Variants in NELL2 observed in about 807,000 individuals in gnomAD.
NELL2 encodes protein kinase C-binding protein NELL2.
In NELL2, 41 loss-of-function variants were observed where a neutral mutation model predicts 109.6. The ratio of observed to expected loss-of-function variants is 0.37; its 90% CI spans 0.29 to 0.49. NELL2 has a LOEUF of 0.49. Among genes scored for constraint, NELL2 ranks in the 20% least tolerant of loss-of-function variants. NELL2 has a pLI of 0.98. For missense variants in NELL2, 900 were observed against 1,008.3 expected, an observed-to-expected ratio of 0.89 and a Z score of 1.45; for synonymous variants, 355 against 344.7, an observed-to-expected ratio of 1.03 and a Z score of -0.33.
intron 16 of NELL2, among the ~76,000 whole-genome samples, chr12:44,530,217 G>A (rs1225148097): frequency 1.3e-5 from 2 of 152,150 alleles, no homozygotes; most frequent in South Asian, 4.1e-4. Flanking sequence ...AGGCGAGTAC[G>A]GGTCGTGGTG....
chr12:44,670,228 C>CA (rs1948090465), intron 12 of NELL2, among the ~76,000 whole-genome samples: 3 of 152,064 alleles, frequency 2.0e-5, no homozygotes, highest in South Asian at 2.1e-4. Flanking sequence ...ACCAGCCCTA[C>CA]AAAAAATGTT....
intron 15 of NELL2, among the ~76,000 whole-genome samples, chr12:44,559,519 G>A (rs1365807332): frequency 6.6e-6 from 1 of 151,976 alleles, no homozygotes; most frequent in Non-Finnish European, 1.5e-5. Context: ...AAACATCAGG[G>A]GTTGCAATCC....
chr12:44,685,167 A>C (rs1436519396), intron 12 of NELL2, among the ~76,000 whole-genome samples: 4 of 152,098 alleles, frequency 2.6e-5, no homozygotes, highest in Admixed American at 1.3e-4. Context: ...CTTTACCATT[A>C]AGTAATGGCC....
At chr12:44,581,229 T>C (rs2136210887) in intron 15 of NELL2, among the ~76,000 whole-genome samples, 1 of 152,300 alleles carries the variant, frequency 6.6e-6, no homozygotes, top group South Asian at 2.1e-4. Flanking sequence ...GCTACTTTTG[T>C]GTATGTAAGT....
chr12:44,665,828 A>G (rs1034322069), intron 12 of NELL2, among the ~76,000 whole-genome samples: 2 of 152,150 alleles, frequency 1.3e-5, no homozygotes, highest in African/African-American at 2.4e-5. Flanking sequence ...AAGTCTGTCT[A>G]TTTTAACTTC....
At chr12:44,531,341 A>C (rs1437709379) in intron 16 of NELL2, among the ~76,000 whole-genome samples, 1 of 152,220 alleles carries the variant, frequency 6.6e-6, no homozygotes, top group African/African-American at 2.4e-5. Context: ...GTAGCTTATC[A>C]GGGAAGAACA....
chr12:44,908,605 C>CA (rs1209430080), intron 1 of NELL2, among the ~76,000 whole-genome samples: 3 of 151,794 alleles, frequency 2.0e-5, no homozygotes, highest in Non-Finnish European at 4.4e-5. Flanking sequence ...CCCACATGGA[C>CA]ATTAAAATAT....
chr12:44,763,366 A>G (rs1352058959), intron 9 of NELL2, among the ~76,000 whole-genome samples: 1 of 152,162 alleles, frequency 6.6e-6, no homozygotes, highest in Non-Finnish European at 1.5e-5. Flanking sequence ...TTATTGGTTT[A>G]AAAGCATGAT....
chr12:44,875,958 T>C lies in NELL2; in HGVS notation c.-89A>G, dbSNP rs1046194422. 2 of 1,597,198 alleles carry C rather than the reference T, an allele frequency of 1.3e-6. No homozygotes were observed. The highest frequency in any genetic ancestry group is 2.7e-5 in the African/African-American group (2 of 74,614). ...CTTGGAATCAAGCGGGAAAATAACG[T>C]TTGTCTCTCCTGCTGCTGCCTCGGA... On this transcript the variant is annotated 5_prime_UTR_variant, in exon 1 of 20. Transcript: ENST00000429094.
intron 2 of NELL2, among the ~76,000 whole-genome samples, chr12:44,868,907 A>T (rs1945086469): frequency 6.6e-6 from 1 of 152,246 alleles, no homozygotes; most frequent in Non-Finnish European, 1.5e-5. Context: ...TTATAAGTAC[A>T]TGAGGTAATG....
intron 12 of NELL2, among the ~76,000 whole-genome samples, chr12:44,691,893 T>C (rs1948910677): frequency 6.6e-6 from 1 of 152,092 alleles, no homozygotes; most frequent in Non-Finnish European, 1.5e-5. Flanking sequence ...GTTGGCTCAT[T>C]ATGTTTAAGG....
At chr12:44,750,130 C>T (rs1940586115) in intron 9 of NELL2, among the ~76,000 whole-genome samples, 1 of 152,000 alleles carries the variant, frequency 6.6e-6, no homozygotes, top group Non-Finnish European at 1.5e-5. Flanking sequence ...TGTCATTCTT[C>T]AAAGAGAAAG....
intron 2 of NELL2, among the ~76,000 whole-genome samples, chr12:44,834,319 T>C (rs1592623887): frequency 6.6e-6 from 1 of 152,098 alleles, no homozygotes; most frequent in Non-Finnish European, 1.5e-5. Flanking sequence ...TTTATGTCAC[T>C]CTTTTCTCTT....
chr12:44,787,173 C>T (rs1242717528), intron 3 of NELL2, among the ~76,000 whole-genome samples: 3 of 152,014 alleles, frequency 2.0e-5, no homozygotes, highest in Non-Finnish European at 1.5e-5. Flanking sequence ...ATATAATTTA[C>T]AATTACACAG....
intron 2 of NELL2, among the ~76,000 whole-genome samples, chr12:44,859,119 C>T (rs1012731502): frequency 1.2e-4 from 19 of 152,124 alleles, no homozygotes; most frequent in African/African-American, 2.7e-4. Flanking sequence ...TCATGATTTA[C>T]GATAAAATTT....
intron 15 of NELL2, among the ~76,000 whole-genome samples, chr12:44,569,652 A>G (rs553217033): frequency 6.6e-6 from 1 of 152,330 alleles, no homozygotes; most frequent in African/African-American, 2.4e-5. Flanking sequence ...CATGAACACT[A>G]TGTCCAAATG....
chr12:44,511,950 AG>A (rs1565847069), intron 19 of NELL2, among the ~76,000 whole-genome samples: 1 of 152,208 alleles, frequency 6.6e-6, no homozygotes, highest in Non-Finnish European at 1.5e-5. Flanking sequence ...AGACCACAAA[AG>A]CACAGGCAAC....
chr12:44,777,235 G>T lies in NELL2; in HGVS notation c.679+7C>A. 6.2e-7 allele frequency: 1 copy of T among 1,612,898 alleles called. No homozygotes were observed. Among genetic ancestry groups the T allele is most frequent in the South Asian group, 1.1e-5 (1 of 91,052 alleles). On this transcript the variant is annotated splice_region_variant and intron_variant, in intron 6 of 19. Coordinates refer to ENST00000429094, the MANE Select transcript of NELL2 (RefSeq NM_001145108.2). ...GGACTCCACAGTGCAAGAACTAATA[G>T]ACTTACTGCGATTAAGATCTGGGCA...
At chr12:44,682,655 G>A (rs1428672363) in intron 12 of NELL2, among the ~76,000 whole-genome samples, 5 of 152,154 alleles carry the variant, frequency 3.3e-5, no homozygotes, top group Non-Finnish European at 7.4e-5. Context: ...AGTTTCCCCA[G>A]CACCATTTAT....
Sources: gnomAD v4.1 joint callset for allele counts (sites outside exome capture counted in the v4.1 genomes callset) on GRCh38, gnomAD v4.1.1 for gene constraint, MANE v1.5 for transcripts, NCBI Gene and HGNC (gene_info 2026-07-23, HGNC 2026-07-21) for gene names.